VPS26C: variants seen among roughly 807,000 people sequenced by gnomAD.
The protein encoded by VPS26C is vacuolar protein sorting-associated protein 26C.
A neutral mutation model predicts 30.6 loss-of-function variants in VPS26C; 19 were observed. The observed-to-expected ratio is 0.62, with a 90% CI of 0.43 to 0.91. The LOEUF is 0.91. Ranked by LOEUF, VPS26C falls within the 40% of genes least tolerant of loss-of-function variation. VPS26C has a pLI of 0.00. For missense variants in VPS26C, 318 were observed against 385.1 expected, an observed-to-expected ratio of 0.83 and a Z score of 1.46; for synonymous variants, 132 against 151.5, an observed-to-expected ratio of 0.87 and a Z score of 0.95.
At chr21:37,245,653 G>A (rs577818860) in intron 1 of VPS26C, among the ~76,000 whole-genome samples, 7 of 152,200 alleles carry the variant, frequency 4.6e-5, no homozygotes, top group East Asian at 3.9e-4. Flanking sequence ...ACTCCACCAG[G>A]GCAGAGTGAT....
chr21:37,267,396 T>C (rs537038829), upstream of VPS26C: 2 of 1,043,966 alleles, frequency 1.9e-6, no homozygotes, highest in African/African-American at 1.6e-5. Context: ...TTTCCCTCTC[T>C]GCCGGCAGTG....
Position 37,232,421 on chromosome 21 carries a change from C to T in VPS26C, c.463G>A (p.Val155Met), listed in dbSNP as rs746971305. The T allele has an allele frequency of 1.5e-5, 25 of 1,614,176 alleles. No homozygotes were observed. The Admixed American group carries it at 2.8e-4, about 18-fold the overall frequency. Residue 155 changes from valine to methionine, a missense_variant, in exon 5 of 8, where the codon GTG becomes ATG. Coordinates refer to ENST00000309117, the MANE Select transcript of VPS26C (RefSeq NM_006052.2). ...GTTTCAGGTGTAATCGTGAAGTCCA[C>T]GGGACTGGGAGTAAACTTCCCCTTC... ...PQKGKFTPSP[V>M]DFTITPETLQ...
Position 37,233,636 on chromosome 21 carries a change from TA to T in VPS26C, c.352-195del, listed in dbSNP as rs2085989911. 6.6e-6 allele frequency among the ~76,000 whole-genome samples: 1 copy of T among 152,232 alleles called. No homozygotes were observed. Among genetic ancestry groups the T allele is most frequent in the African/African-American group, 2.4e-5 (1 of 41,462 alleles). On this transcript the variant is annotated intron_variant, in intron 3 of 7. Coordinates refer to ENST00000309117, the MANE Select transcript of VPS26C (RefSeq NM_006052.2). This position sits in a 1 kb window ranked among gnomAD's most constrained non-coding sequence, Gnocchi z 5.2. ...GTTCAAAATAAAGGCATTTCTGTTTTAAAAATGAACCACTTTAAGGTTATTC... is the reference window on the plus strand; with the variant it reads ...GTTCAAAATAAAGGCATTTCTGTTTTAAAATGAACCACTTTAAGGTTATTC...
chr21:37,233,272 G>T lies in VPS26C; in HGVS notation c.432+90C>A. On this transcript the variant is annotated intron_variant, in intron 4 of 7. Coordinates refer to ENST00000309117, the MANE Select transcript of VPS26C (RefSeq NM_006052.2). This position sits in a 1 kb window ranked among gnomAD's most constrained non-coding sequence, Gnocchi z 5.2. ...GCCAGCACCCGTGAAACAGTAAGAG[G>T]CTAAATGGTGAGCTTGTAAATAGGG... 2.6e-6 allele frequency: 3 copies of T among 1,152,052 alleles called. No individual in the cohort carries two copies. Among genetic ancestry groups the T allele is most frequent in the Non-Finnish European group, 3.9e-6 (3 of 767,096 alleles). 71.4% of individuals were successfully genotyped at this position (1,152,052 alleles called of 1,614,324 possible).
chr21:37,240,128 T>G (rs1349177433), intron 2 of VPS26C, among the ~76,000 whole-genome samples: 1 of 152,054 alleles, frequency 6.6e-6, no homozygotes, highest in Non-Finnish European at 1.5e-5. Context: ...CATAAACATG[T>G]CTTTTTTTAA....
At chr21:37,258,441 G>A (rs764154) in intron 1 of VPS26C, among the ~76,000 whole-genome samples, 119,388 of 152,190 alleles carry the variant, frequency 0.78, 47,224 homozygotes, top group East Asian at 0.99. Context: ...CATTCCCAGC[G>A]CCCCGAACCT....
chr21:37,226,566 G>C lies in VPS26C; in HGVS notation c.812-940C>G, dbSNP rs1237750976. ...TTGTTGTGCCCCCCAGAAGGGTGGA[G>C]GGTGTGGCTGGAGTGGACAGAGAGG... is the stretch of plus-strand genomic sequence containing the variant. On this transcript the variant is annotated intron_variant, in intron 7 of 7. Coordinates refer to ENST00000309117, the MANE Select transcript of VPS26C (RefSeq NM_006052.2). This position sits in a 1 kb window ranked among gnomAD's most constrained non-coding sequence, Gnocchi z 4.1. 2.0e-5 allele frequency: 3 copies of C among 152,372 alleles called. No homozygotes were observed. The highest frequency in any genetic ancestry group is 7.2e-5 in the African/African-American group (3 of 41,468). 9.4% of individuals were successfully genotyped at this position (152,372 alleles called of 1,614,324 possible).
intron 1 of VPS26C, among the ~76,000 whole-genome samples, chr21:37,253,090 A>G (rs773204530): frequency 6.6e-6 from 1 of 152,250 alleles, no homozygotes; most frequent in Non-Finnish European, 1.5e-5. Flanking sequence ...TTTCTGGACA[A>G]TTGAGTCATA....
intron 1 of VPS26C, among the ~76,000 whole-genome samples, chr21:37,255,850 C>CCTTTTTTTT (rs2086236577): frequency 3.2e-5 from 2 of 63,488 alleles, no homozygotes; most frequent in Non-Finnish European, 5.3e-5. Flanking sequence ...CTATGCACTG[C>CCTTTTTTTT]ATTTTTTTTT....
rs1236829502 is a variant in VPS26C at position 37,257,587 on chromosome 21, T to C, written c.57+9651A>G. On this transcript the variant is annotated intron_variant, in intron 1 of 7. Transcript: ENST00000309117. The surrounding 1 kb of genome is among the most constrained non-coding windows in gnomAD (Gnocchi z 4.2). ...CTGATGAAAAAAGGAACGCGTGAAA[T>C]GGGGAGTGTTAGGGCGTCACAAACT... Among the ~76,000 whole-genome samples, 1 of 151,990 alleles carries C rather than the reference T, an allele frequency of 6.6e-6. No individual in the cohort carries two copies. Among genetic ancestry groups the C allele is most frequent in the Non-Finnish European group, 1.5e-5 (1 of 68,002 alleles).
chr21:37,265,575 C>A (rs2086349891), intron 1 of VPS26C, among the ~76,000 whole-genome samples: 1 of 152,144 alleles, frequency 6.6e-6, no homozygotes, highest in African/African-American at 2.4e-5. Flanking sequence ...ATTAAGCATT[C>A]TATTTGGTTC....
At chr21:37,250,824 C>T (rs184947737) in intron 1 of VPS26C, among the ~76,000 whole-genome samples, 80 of 145,112 alleles carry the variant, frequency 5.5e-4, no homozygotes, top group Admixed American at 1.3e-3. Flanking sequence ...TACTTGAACC[C>T]GGGAGGCGGA....
chr21:37,228,213 C>T lies in VPS26C; in HGVS notation c.658+10G>A, dbSNP rs527521180. On this transcript the variant is annotated intron_variant, in intron 6 of 7. Transcript: ENST00000309117. ...CAGGCAAGCGCCAGGCCTGGTGGCA[C>T]GGCCCTCACCGCACGTCTCCACGCG... 3.0e-5 allele frequency: 48 copies of T among 1,608,568 alleles called. No homozygotes were observed. The East Asian group carries it at 8.7e-4, about 29-fold the overall frequency.
intron 7 of VPS26C, 151 bp from the exon 8 acceptor site, chr21:37,225,777 C>G: frequency 1.7e-6 from 1 of 579,296 alleles, no homozygotes; most frequent in South Asian, 1.8e-5. Context: ...CCACCCTGAC[C>G]TTTCAGCCAA....
chr21:37,254,965 A>G (rs1216645677), intron 1 of VPS26C, among the ~76,000 whole-genome samples: 2 of 152,190 alleles, frequency 1.3e-5, no homozygotes, highest in Non-Finnish European at 2.9e-5. Flanking sequence ...CTATGAAACT[A>G]CTGTGAGATG....
At chr21:37,263,341 C>T (rs1217051746) in intron 1 of VPS26C, among the ~76,000 whole-genome samples, 3 of 152,114 alleles carry the variant, frequency 2.0e-5, no homozygotes, top group Non-Finnish European at 2.9e-5. Flanking sequence ...AGCACTCCTA[C>T]GAAATGAATA....
rs1310897203 is a variant in VPS26C, at chr21:37,223,633, C to T, written c.*1911G>A. 6.6e-6 allele frequency: 1 copy of T among 152,202 alleles called. No individual in the cohort carries two copies. The highest frequency in any genetic ancestry group is 1.9e-4 in the East Asian group (1 of 5,196). 9.4% of individuals were successfully genotyped at this position (152,202 alleles called of 1,614,324 possible). The stretch of plus-strand genomic sequence containing the variant: ...GGATAGATAATTAATGTCAGGTGAG[C>T]ATAAAAGGAGATTATAAACCAGAAA... On this transcript the variant is annotated 3_prime_UTR_variant, in exon 8 of 8. Transcript: ENST00000309117.
Position 37,233,417 on chromosome 21 carries a change from C to G in VPS26C, c.377G>C (p.Arg126Pro). Residue 126 changes from arginine to proline, a missense_variant, in exon 4 of 8, where the codon CGG becomes CCG. Coordinates refer to ENST00000309117, the MANE Select transcript of VPS26C (RefSeq NM_006052.2). This position sits in a 1 kb window ranked among gnomAD's most constrained non-coding sequence, Gnocchi z 5.2. Reference sequence around the variant, plus strand: ...TGTCAAGTCCTTGGCCAACAGAGACCGCTTCATGTCACAGCGCAGTGTATA... The same window carrying G: ...TGTCAAGTCCTTGGCCAACAGAGACGGCTTCATGTCACAGCGCAGTGTATA... ...IQYTLRCDMK[R>P]SLLAKDLTKT... The G allele has an allele frequency of 6.2e-7, 1 of 1,614,090 alleles. No homozygotes were observed. Among genetic ancestry groups the G allele is most frequent in the Non-Finnish European group, 8.5e-7 (1 of 1,180,010 alleles).
chr21:37,239,603 CTTT>C (rs11313933), intron 2 of VPS26C, among the ~76,000 whole-genome samples: 32 of 138,328 alleles, frequency 2.3e-4, no homozygotes, highest in South Asian at 2.4e-4. Context: ...GAGCTGTGAT[CTTT>C]TTTTTTTTTT....
Sources: allele counts gnomAD v4.1 joint callset (sites outside exome capture counted in the v4.1 genomes callset), GRCh38; gene constraint gnomAD v4.1.1; non-coding constraint Gnocchi (gnomAD v3.1); transcripts MANE v1.5; gene names NCBI Gene and HGNC (gene_info 2026-07-23, HGNC 2026-07-21).